Variants in SLC2A13 observed in about 807,000 individuals in gnomAD.
SLC2A13 encodes solute carrier family 2 member 13.
Under a neutral mutation model 64.4 loss-of-function variants are expected in SLC2A13, and 32 were observed. That is an observed-to-expected ratio of 0.50 (90% CI 0.37 to 0.67). The LOEUF (loss-of-function observed/expected upper bound fraction) is 0.67, where lower values mean the gene tolerates loss of function less well. Ranked by LOEUF, SLC2A13 falls within the 30% of genes least tolerant of loss-of-function variation. The probability of loss-of-function intolerance (pLI) is 0.00; values close to 1 mark genes in which losing one functional copy is unlikely to be tolerated. For synonymous variants in SLC2A13, 338 were observed against 327.1 expected (o/e 1.03, Z -0.36); for missense variants, 743 against 829.2 (o/e 0.90, Z 1.28).
At chr12:40,027,332 T>C (rs1275963682) in intron 3 of SLC2A13, among the ~76,000 whole-genome samples, 1 of 152,162 alleles carries the variant, frequency 6.6e-6, no homozygotes, top group African/African-American at 2.4e-5. Flanking sequence ...AAAATGAACT[T>C]CACATAGAAT....
At chr12:39,850,062 C>T (rs1399895804) in intron 6 of SLC2A13, among the ~76,000 whole-genome samples, 1 of 152,122 alleles carries the variant, frequency 6.6e-6, no homozygotes, top group Non-Finnish European at 1.5e-5. Context: ...TGCACACATG[C>T]TATCCCTCTT....
intron 7 of SLC2A13, among the ~76,000 whole-genome samples, chr12:39,772,315 A>G (rs1940611486): frequency 1.3e-5 from 2 of 152,162 alleles, no homozygotes; most frequent in South Asian, 4.1e-4. Flanking sequence ...ATAAGAGTCC[A>G]TATAGGGTTG....
At chr12:39,899,655 T>C (rs1248375965) in intron 4 of SLC2A13, among the ~76,000 whole-genome samples, 4 of 152,260 alleles carry the variant, frequency 2.6e-5, no homozygotes, top group South Asian at 4.1e-4. Flanking sequence ...GCTTTGAATG[T>C]GTCCCAGAGA....
chr12:39,898,667 G>A (rs1423976318), intron 4 of SLC2A13, among the ~76,000 whole-genome samples: 2 of 152,088 alleles, frequency 1.3e-5, no homozygotes, highest in Non-Finnish European at 2.9e-5. Flanking sequence ...ACAAGGCATT[G>A]AGACCTTATG....
intron 7 of SLC2A13, among the ~76,000 whole-genome samples, chr12:39,798,555 G>A (rs1340718706): frequency 3.9e-5 from 6 of 152,152 alleles, no homozygotes; most frequent in East Asian, 1.9e-4. Flanking sequence ...GCATAAGAGC[G>A]CTTCAACTGT....
rs529403563 is a variant in SLC2A13, at chr12:39,901,884, C to T, written c.1035-29923G>A. Among the ~76,000 whole-genome samples, 66 of 151,458 alleles carry T rather than the reference C, an allele frequency of 4.4e-4. 1 individual carries two copies. Among genetic ancestry groups the T allele is most frequent in the African/African-American group, 1.5e-3 (61 of 41,196 alleles). On this transcript the variant is annotated intron_variant, in intron 4 of 9. Transcript: ENST00000280871. ...TATAAATCATGCTGCTATAAAGACACATGCACACGTATGTTTATTGCGGCA... is the reference window on the plus strand; with the variant it reads ...TATAAATCATGCTGCTATAAAGACATATGCACACGTATGTTTATTGCGGCA...
At chr12:39,776,433 G>A (rs924088922) in intron 7 of SLC2A13, among the ~76,000 whole-genome samples, 1 of 152,232 alleles carries the variant, frequency 6.6e-6, no homozygotes, top group African/African-American at 2.4e-5. Context: ...CAGTGCCCTA[G>A]GAAGCGGCTT....
intron 3 of SLC2A13, among the ~76,000 whole-genome samples, chr12:39,997,053 ACCAAAAAAGAGCCCACAGAG>A (rs1432889119): frequency 6.6e-6 from 1 of 152,184 alleles, no homozygotes; most frequent in Non-Finnish European, 1.5e-5. Context: ...TTCATATGGA[ACCAAAAAAGAGCCCACAGAG>A]CCAAAGCAAG....
intron 2 of SLC2A13, among the ~76,000 whole-genome samples, chr12:40,037,798 T>G (rs574842717): frequency 6.6e-6 from 1 of 152,298 alleles, no homozygotes; most frequent in East Asian, 1.9e-4. Context: ...CCATCTAAGT[T>G]GGTAAATTTA....
intron 4 of SLC2A13, among the ~76,000 whole-genome samples, chr12:39,902,558 AAAATAAAATCAC>A (rs1440467123): frequency 6.6e-6 from 1 of 152,030 alleles, no homozygotes; most frequent in Non-Finnish European, 1.5e-5. Flanking sequence ...AGGTGTACTA[AAAATAAAATCAC>A]AAATGAGAAG....
rs373604537 is a variant in SLC2A13 at position 39,861,154 on chromosome 12, C to T, written c.1319+3608G>A. On this transcript the variant is annotated intron_variant, in intron 6 of 9. Transcript: ENST00000280871. ...ACATACTCCACTCTTCTTTTAAGAGCTCAGTACAAACATCCCATTCTCAAG... is the reference window on the plus strand; with the variant it reads ...ACATACTCCACTCTTCTTTTAAGAGTTCAGTACAAACATCCCATTCTCAAG... 4.6e-5 allele frequency among the ~76,000 whole-genome samples: 7 copies of T among 152,306 alleles called. No homozygotes were observed. In the South Asian group the frequency reaches 1.2e-3, roughly 27 times the overall value.
chr12:40,001,958 G>C (rs568483), intron 3 of SLC2A13, among the ~76,000 whole-genome samples: 1 of 151,988 alleles, frequency 6.6e-6, no homozygotes, highest in Non-Finnish European at 1.5e-5. Context: ...TAATAATACA[G>C]AGCAAAATTT....
intron 7 of SLC2A13, among the ~76,000 whole-genome samples, chr12:39,769,005 A>G (rs1008596589): frequency 3.9e-5 from 6 of 152,082 alleles, no homozygotes; most frequent in Non-Finnish European, 2.9e-5. Context: ...ATTTTTCACC[A>G]TTTGAGTTCC....
chr12:39,866,276 T>G (rs1484395474), intron 5 of SLC2A13, among the ~76,000 whole-genome samples: 1 of 152,216 alleles, frequency 6.6e-6, no homozygotes, highest in African/African-American at 2.4e-5. Flanking sequence ...ATAGTAGGTG[T>G]GTGAAGCCAG....
intron 3 of SLC2A13, among the ~76,000 whole-genome samples, chr12:40,018,746 T>C (rs1947660734): frequency 6.6e-6 from 1 of 152,152 alleles, no homozygotes; most frequent in East Asian, 1.9e-4. Flanking sequence ...GGTTCACTGA[T>C]TGGGGTAAAC....
At chr12:39,972,463 A>T (rs931634126) in intron 3 of SLC2A13, among the ~76,000 whole-genome samples, 15 of 152,168 alleles carry the variant, frequency 9.9e-5, no homozygotes, top group Admixed American at 7.9e-4. Flanking sequence ...TCATCTTCCC[A>T]CCAAATCTGC....
At chr12:39,846,760 T>C (rs189400529) in intron 6 of SLC2A13, among the ~76,000 whole-genome samples, 29 of 152,298 alleles carry the variant, frequency 1.9e-4, no homozygotes, top group Non-Finnish European at 3.8e-4. Flanking sequence ...CCTCACTTAA[T>C]TTGTTTAAGC....
intron 4 of SLC2A13, among the ~76,000 whole-genome samples, chr12:39,890,322 G>A (rs1937531604): frequency 6.6e-6 from 1 of 151,734 alleles, no homozygotes; most frequent in African/African-American, 2.4e-5. Context: ...TTATAAAACT[G>A]AAAAAAAATA....
At chr12:40,086,727 T>C (rs1014026151) in intron 1 of SLC2A13, among the ~76,000 whole-genome samples, 4 of 152,224 alleles carry the variant, frequency 2.6e-5, no homozygotes, top group Non-Finnish European at 5.9e-5. Context: ...TGGGCATTCA[T>C]AGGCGTCAGG....
Sources: allele counts gnomAD v4.1 joint callset (sites outside exome capture counted in the v4.1 genomes callset), GRCh38; gene constraint gnomAD v4.1.1; transcripts MANE v1.5; gene names NCBI Gene and HGNC (gene_info 2026-07-23, HGNC 2026-07-21).